The following MCM3AP variants were observed in gnomAD, a reference collection of about 807,000 sequenced individuals.
MCM3AP encodes germinal-center associated nuclear protein.
MCM3AP carries 126 observed loss-of-function variants against 184.1 expected under a neutral mutation model. That is an observed-to-expected ratio of 0.68 (90% CI 0.59 to 0.79). The LOEUF is 0.79. MCM3AP is among the 30% of genes least tolerant of loss of function. The pLI, the probability that MCM3AP is intolerant of heterozygous loss-of-function variation, is 0.00. For synonymous variants in MCM3AP, 1,002 were observed against 979.3 expected, an observed-to-expected ratio of 1.02 and a Z score of -0.43; for missense variants, 2,496 against 2,479.2, an observed-to-expected ratio of 1.01 and a Z score of -0.14.
chr21:46,253,466 G>A (rs190616977), intron 19 of MCM3AP: 19 of 152,360 alleles, frequency 1.2e-4, no homozygotes, highest in African/African-American at 4.3e-4. Context: ...AATGTTGGAG[G>A]AGGGGCCTGG....
chr21:46,273,854 T>A (rs1237611356), intron 6 of MCM3AP, among the ~76,000 whole-genome samples: 1 of 152,174 alleles, frequency 6.6e-6, no homozygotes, highest in African/African-American at 2.4e-5. Flanking sequence ...GCACATCTGC[T>A]AGCCTCCAAA....
chr21:46,262,275 G>A (rs1421575514), intron 13 of MCM3AP, among the ~76,000 whole-genome samples: 1 of 152,190 alleles, frequency 6.6e-6, no homozygotes, highest in Non-Finnish European at 1.5e-5. Context: ...AAAAACTGAA[G>A]AGGAGGGAAT....
At chr21:46,266,266 C>A in intron 10 of MCM3AP, 100 bp from the exon 11 acceptor site, 2 of 1,279,450 alleles carry the variant, frequency 1.6e-6, no homozygotes, top group Non-Finnish European at 2.1e-6. Flanking sequence ...TGGGTGTCAC[C>A]ACAGCCATGT....
chr21:46,261,599 A>C (rs901734801), intron 13 of MCM3AP, among the ~76,000 whole-genome samples, 188 bp from the exon 14 acceptor site: 2 of 151,956 alleles, frequency 1.3e-5, no homozygotes, highest in East Asian at 1.9e-4. Context: ...CAGGCGCGGC[A>C]GCACACGCCT....
chr21:46,243,680 G>T lies in MCM3AP; in HGVS notation c.5081C>A (p.Ser1694Tyr). 1 of 1,614,198 alleles carries T rather than the reference G, an allele frequency of 6.2e-7. No individual in the cohort carries two copies. The highest frequency in any genetic ancestry group is 1.1e-5 in the South Asian group (1 of 91,086). ...PVCSMVVQYASQIPSSRQTQP... is the reference protein window; with the variant it reads ...PVCSMVVQYAYQIPSSRQTQP... ...TGTCTGGCGTGAGCTGGGGATCTGG[G>T]AGGCGTACTGGACAACCATGGAGCA... The change falls in exon 24 of 28, where the codon TCC becomes TAC. Residue 1694 changes from serine to tyrosine, a missense_variant. Ser to Tyr is a moderately radical substitution (Grantham distance 144). Around this residue, in one of 5 missense-constraint regions of MCM3AP, gnomAD observed 1,323 missense variants for 1,273.4 expected, o/e 1.04. Coordinates refer to ENST00000291688, the MANE Select transcript of MCM3AP (RefSeq NM_003906.5).
In MCM3AP at chr21:46,285,156, G is replaced by T; in HGVS notation, c.131C>A (p.Thr44Asn). The T allele has an allele frequency of 5.6e-6, 9 of 1,614,148 alleles. No homozygotes were observed. Among genetic ancestry groups the T allele is most frequent in the Non-Finnish European group, 7.6e-6 (9 of 1,180,018 alleles). Residue 44 changes from threonine to asparagine, a missense_variant, in exon 1 of 28, where the codon ACC becomes AAC. Physicochemically the swap from Thr to Asn is moderately conservative, Grantham distance 65. This residue lies in a region of MCM3AP where 800 missense variants were observed against 717.1 expected (regional missense o/e 1.12). Transcript: ENST00000291688. The part of the protein sequence containing the change: ...GQPSLFGQNS[T>N]LSGKSSGFSQ... ...AAATCCCGAGCTCTTCCCAGATAAG[G>T]TACTGTTTTGTCCAAAAAGAGAAGG... is the stretch of plus-strand genomic sequence containing the variant.
chr21:46,283,769 G>T lies in MCM3AP; in HGVS notation c.1289C>A (p.Ser430Tyr), dbSNP rs774563503. The T allele has an allele frequency of 6.2e-7, 1 of 1,614,030 alleles. No homozygotes were observed. Among genetic ancestry groups the T allele is most frequent in the African/African-American group, 1.3e-5 (1 of 74,922 alleles). Residue 430 changes from serine (S) to tyrosine (Y), a missense_variant, in exon 2 of 28, where the codon TCT becomes TAT. This residue lies in a region of MCM3AP where 800 missense variants were observed against 717.1 expected (regional missense o/e 1.12). Transcript: ENST00000291688. ...CTGGATGGCTGTGACTTCAGAGGGA[G>T]ACAAGCCCCCAAGACTGTCTGTGCT... ...SESTDSLGGL[S>Y]PSEVTAIQCK...
chr21:46,249,762 T>C (rs2080839553), intron 20 of MCM3AP: 2 of 317,936 alleles, frequency 6.3e-6, no homozygotes, highest in South Asian at 2.5e-5. Flanking sequence ...GTGCAGTCTG[T>C]GTTTGCACTC....
intron 5 of MCM3AP, among the ~76,000 whole-genome samples, chr21:46,276,183 C>T (rs773204734): frequency 3.3e-5 from 5 of 151,342 alleles, no homozygotes; most frequent in Non-Finnish European, 7.4e-5. Context: ...ACCCGGGAGG[C>T]GGACGTTGCA....
chr21:46,246,455 C>G, intron 21 of MCM3AP, 51 bp from the exon 22 acceptor site: 1 of 1,353,530 alleles, frequency 7.4e-7, no homozygotes, highest in South Asian at 1.2e-5. Context: ...GTCAGCACAC[C>G]TGCTAACATA....
rs746514062 is a variant in MCM3AP at position 46,284,648 on chromosome 21, A to G, written c.639T>C (p.Val213=). 3 of 1,614,126 alleles carry G rather than the reference A, an allele frequency of 1.9e-6. No individual in the cohort carries two copies. In the Admixed American group the frequency reaches 5.0e-5, roughly 27 times the overall value. Residue 213 remains valine, a synonymous_variant, in exon 1 of 28, where the codon GTT becomes GTC. Coordinates refer to ENST00000291688, the MANE Select transcript of MCM3AP (RefSeq NM_003906.5). The stretch of plus-strand genomic sequence containing the variant: ...AGGCAGATAATGAATTATTACTACT[A>G]ACAGGTTTTGAAAAGGTAAAATTTG... ...TTSNFTFSKP[V]SSNNSLSAFT... is the part of the protein sequence containing the mutation.
chr21:46,265,323 C>T lies in MCM3AP; in HGVS notation c.3232G>A (p.Glu1078Lys), dbSNP rs771466046. 1.9e-6 allele frequency: 3 copies of T among 1,613,746 alleles called. No homozygotes were observed. The highest frequency in any genetic ancestry group is 2.5e-6 in the Non-Finnish European group (3 of 1,179,924). ...ACCTAGAAAAAAAGAGTCCCTACCT[C>T]GTCAGAGTACATGGGCACGGGCTCT... is the stretch of plus-strand genomic sequence containing the variant. ...PPEPVPMYSD[E>K]DLAQVVDELI... The change falls in exon 12 of 28, where the codon GAG becomes AAG. Residue 1078 changes from glutamate (E) to lysine (K), a missense_variant and splice_region_variant. Glu to Lys is a moderately conservative substitution (Grantham distance 56). This residue lies in a region of MCM3AP where 1,323 missense variants were observed against 1,273.4 expected (regional missense o/e 1.04). Coordinates refer to ENST00000291688, the MANE Select transcript of MCM3AP (RefSeq NM_003906.5).
In MCM3AP at chr21:46,256,778, C is replaced by T. The variant is rs977030789; in HGVS notation, c.3932+11G>A. Reference sequence around the variant, plus strand: ...GGAGCCCTGACGAGGCAGGCGACAGCTGATGCTGACCTGGTGCAGGAGATG... The same window carrying T: ...GGAGCCCTGACGAGGCAGGCGACAGTTGATGCTGACCTGGTGCAGGAGATG... On this transcript the variant is annotated intron_variant, in intron 17 of 27. Coordinates refer to ENST00000291688, the MANE Select transcript of MCM3AP (RefSeq NM_003906.5). The T allele has an allele frequency of 7.1e-6, 11 of 1,545,532 alleles. No individual in the cohort carries two copies. Among genetic ancestry groups the T allele is most frequent in the South Asian group, 2.4e-5 (2 of 83,946 alleles).
intron 19 of MCM3AP, chr21:46,252,290 G>C (rs1470646399): frequency 6.6e-6 from 1 of 152,122 alleles, no homozygotes; most frequent in Admixed American, 6.6e-5. Context: ...AACATCCCTA[G>C]AGTTTGAAAT....
In MCM3AP at chr21:46,266,360, C is replaced by T. The variant is rs2081112323; in HGVS notation, c.2790-194G>A. ...AGGTCCCTAGAACCACTAAGCCCAG[C>T]GTGTTAACAGACGCACGCTGACTCA... On this transcript the variant is annotated intron_variant, in intron 10 of 27. Transcript: ENST00000291688. 9 of 519,114 alleles carry T rather than the reference C, an allele frequency of 1.7e-5. No homozygotes were observed. In the South Asian group the frequency reaches 1.9e-4, roughly 11 times the overall value. The allele number at this position is 519,114 out of a possible 1,614,324, so 32.2% of individuals were successfully genotyped here.
intron 8 of MCM3AP, among the ~76,000 whole-genome samples, chr21:46,271,314 C>G (rs2081176141): frequency 6.6e-6 from 1 of 150,598 alleles, no homozygotes; most frequent in Non-Finnish European, 1.5e-5. Context: ...GGCCATGGGC[C>G]ACCACACCTG....
chr21:46,265,820 C>T, intron 11 of MCM3AP, 105 bp downstream of exon 11: 2 of 1,392,540 alleles, frequency 1.4e-6, no homozygotes, highest in South Asian at 3.0e-5. Flanking sequence ...TGCTCAGGCT[C>T]CTGGGAGGCG....
chr21:46,248,052 A>G (rs752466544), intron 20 of MCM3AP, among the ~76,000 whole-genome samples: 8 of 152,204 alleles, frequency 5.3e-5, no homozygotes, highest in Non-Finnish European at 1.5e-5. Flanking sequence ...GGTGTGACCA[A>G]TCCCTGGGTT....
chr21:46,244,317 CA>C (rs2080726699), intron 23 of MCM3AP, among the ~76,000 whole-genome samples: 1 of 152,248 alleles, frequency 6.6e-6, no homozygotes, highest in Admixed American at 6.5e-5. Context: ...CAAAACAGCC[CA>C]AAGACCTCAG....
Sources: gnomAD v4.1 joint callset for allele counts (sites outside exome capture counted in the v4.1 genomes callset) on GRCh38, gnomAD v4.1.1 for gene constraint, gnomAD v4.1.1 regional missense constraint, MANE v1.5 for transcripts, NCBI Gene and HGNC (gene_info 2026-07-23, HGNC 2026-07-21) for gene names.